FBXL13: variants seen among roughly 807,000 people sequenced by gnomAD.
FBXL13 encodes the protein F-box and leucine rich repeat protein 13.
FBXL13 carries 67 observed loss-of-function variants against 83.6 expected under a neutral mutation model. That is an observed-to-expected ratio of 0.80 (90% CI 0.66 to 0.98). The LOEUF (loss-of-function observed/expected upper bound fraction) is 0.98, where lower values mean the gene tolerates loss of function less well. Among genes scored for constraint, FBXL13 ranks in the 50% least tolerant of loss-of-function variants. The pLI, the probability that FBXL13 is intolerant of heterozygous loss-of-function variation, is 0.00. For synonymous variants in FBXL13, 272 were observed against 299.5 expected (o/e 0.91, Z 0.95); for missense variants, 822 against 866.5 (o/e 0.95, Z 0.64).
At chr7:102,996,284 G>GTGGTTCT (rs2129485100) in intron 6 of FBXL13, among the ~76,000 whole-genome samples, 1 of 152,324 alleles carries the variant, frequency 6.6e-6, no homozygotes, top group African/African-American at 2.4e-5. Flanking sequence ...TGTGGGTGCT[G>GTGGTTCT]TGGTTCTTCA....
intron 7 of FBXL13, among the ~76,000 whole-genome samples, chr7:102,966,371 G>C (rs1308448677): frequency 6.6e-6 from 1 of 152,072 alleles, no homozygotes. Flanking sequence ...CTGGTTCCAG[G>C]ACCACACTTT....
At chr7:103,051,737 A>C (rs768640787) in intron 2 of FBXL13, among the ~76,000 whole-genome samples, 1 of 152,250 alleles carries the variant, frequency 6.6e-6, no homozygotes, top group Non-Finnish European at 1.5e-5. Context: ...ACCTGGTGGA[A>C]GATTTATAAA....
chr7:102,974,932 T>C (rs1213544112), intron 6 of FBXL13, among the ~76,000 whole-genome samples: 2 of 152,136 alleles, frequency 1.3e-5, no homozygotes, highest in Admixed American at 6.5e-5. Context: ...TCTAGCATTG[T>C]CTGTACTCAT....
exon 15 of FBXL13, chr7:102,878,339 T>G: frequency 6.2e-7 from 1 of 1,600,898 alleles, no homozygotes; most frequent in Non-Finnish European, 8.5e-7. Flanking sequence ...ACCGCTCAGA[T>G]AGTTTCATAA....
chr7:103,013,328 C>A (rs1791862278), intron 6 of FBXL13, among the ~76,000 whole-genome samples: 1 of 152,156 alleles, frequency 6.6e-6, no homozygotes. Context: ...AACAACAGAA[C>A]ATACATTCTT....
chr7:102,949,912 C>T (rs1823147789), intron 8 of FBXL13, among the ~76,000 whole-genome samples: 2 of 152,054 alleles, frequency 1.3e-5, no homozygotes, highest in South Asian at 4.1e-4. Flanking sequence ...TCAAGACCAG[C>T]CTGGCCAACA....
intron 16 of FBXL13, among the ~76,000 whole-genome samples, chr7:102,865,786 C>A (rs948180704): frequency 2.0e-5 from 3 of 151,898 alleles, no homozygotes; most frequent in Non-Finnish European, 4.4e-5. Context: ...CCTCGTGATC[C>A]GCCTGCCTTG....
chr7:102,812,509 G>A (rs533543055), downstream of FBXL13, among the ~76,000 whole-genome samples: 9 of 152,144 alleles, frequency 5.9e-5, no homozygotes, highest in Non-Finnish European at 1.3e-4. Flanking sequence ...TTAATTGGCG[G>A]CATTTAGTTC....
chr7:102,987,181 T>TA (rs1323072141), intron 6 of FBXL13, among the ~76,000 whole-genome samples: 3 of 151,642 alleles, frequency 2.0e-5, no homozygotes, highest in African/African-American at 4.8e-5. Context: ...GAGTGAGGAA[T>TA]AAAAAAATAG....
intron 11 of FBXL13, among the ~76,000 whole-genome samples, chr7:102,891,845 A>G (rs1294545614): frequency 2.0e-5 from 3 of 152,210 alleles, no homozygotes; most frequent in Middle Eastern, 3.2e-3. Flanking sequence ...TCTAGAATAC[A>G]CTAATTGGTT....
At chr7:102,930,476 T>G (rs1228870802) in intron 9 of FBXL13, among the ~76,000 whole-genome samples, 1 of 152,212 alleles carries the variant, frequency 6.6e-6, no homozygotes, top group Admixed American at 6.5e-5. Flanking sequence ...TGACCTCTTC[T>G]CCACTTCACA....
chr7:102,905,341 G>A (rs1045234528), intron 11 of FBXL13, among the ~76,000 whole-genome samples: 1 of 152,094 alleles, frequency 6.6e-6, no homozygotes, highest in African/African-American at 2.4e-5. Context: ...TTGCTGAATT[G>A]GCTTCTTTAT....
In FBXL13 at chr7:103,029,032, T is replaced by A. The variant is rs1218512600; in HGVS notation, c.69-284A>T. Among the ~76,000 whole-genome samples, 3 of 152,092 alleles carry A rather than the reference T, an allele frequency of 2.0e-5. No individual in the cohort carries two copies. In the East Asian group the frequency reaches 5.8e-4, roughly 29 times the overall value. ...TTACCAAAAGAACCACCTAATGATG[T>A]CTTTTTTTAAAAGGAATCTAAATTC... On this transcript the variant is annotated intron_variant, in intron 3 of 19. Transcript: ENST00000313221.
chr7:102,836,306 C>T (rs1412684460), intron 17 of FBXL13, among the ~76,000 whole-genome samples: 2 of 152,174 alleles, frequency 1.3e-5, no homozygotes, highest in Admixed American at 6.5e-5. Flanking sequence ...AAATCAGTGG[C>T]AGATTGGCGA....
chr7:102,961,705 T>A (rs534519375), intron 8 of FBXL13, among the ~76,000 whole-genome samples: 1 of 149,568 alleles, frequency 6.7e-6, no homozygotes, highest in Admixed American at 6.7e-5. Context: ...ATCTGATCTT[T>A]GACAAACCTG....
chr7:102,934,150 G>A (rs1031464514), intron 8 of FBXL13: 2 of 1,614,180 alleles, frequency 1.2e-6, no homozygotes, highest in Non-Finnish European at 1.7e-6. Flanking sequence ...TGCCTGGTTG[G>A]CCTCAGGATT....
At chr7:102,918,168 A>G (rs1407530873) in intron 10 of FBXL13, among the ~76,000 whole-genome samples, 13 of 152,226 alleles carry the variant, frequency 8.5e-5, no homozygotes, top group Admixed American at 8.5e-4. Flanking sequence ...AGCATATTTG[A>G]AACAATGGAA....
chr7:102,963,714 A>C, intron 7 of FBXL13, 49 bp from the exon 9 acceptor site: 1 of 1,540,330 alleles, frequency 6.5e-7, no homozygotes, highest in Non-Finnish European at 8.7e-7. Flanking sequence ...GTCCCCAAAA[A>C]CAATTGCAAC....
chr7:103,038,229 G>A (rs534966377), intron 2 of FBXL13, among the ~76,000 whole-genome samples: 7 of 152,152 alleles, frequency 4.6e-5, no homozygotes, highest in Non-Finnish European at 7.4e-5. Flanking sequence ...ATCGACCTGC[G>A]ACACTGCAGA....
Sources: gnomAD v4.1 joint callset for allele counts (sites outside exome capture counted in the v4.1 genomes callset) on GRCh38, gnomAD v4.1.1 for gene constraint, MANE v1.5 for transcripts, NCBI Gene and HGNC (gene_info 2026-07-23, HGNC 2026-07-21) for gene names.